SRGAP2C: variants seen among roughly 807,000 people sequenced by gnomAD.
The protein encoded by SRGAP2C is SLIT-ROBO Rho GTPase activating protein 2C.
Under a neutral mutation model 25.1 loss-of-function variants are expected in SRGAP2C, and 15 were observed. That is an observed-to-expected ratio of 0.60 (90% CI 0.40 to 0.92). The LOEUF (loss-of-function observed/expected upper bound fraction) is 0.92. Among genes scored for constraint, SRGAP2C ranks in the 40% least tolerant of loss-of-function variants. SRGAP2C has a pLI of 0.00. For synonymous variants in SRGAP2C, 44 were observed against 96.6 expected (o/e 0.46, Z 3.19); for missense variants, 144 against 264.4 (o/e 0.54, Z 3.16).
intron 3 of SRGAP2C, among the ~76,000 whole-genome samples, chr1:121,295,139 C>G (rs1178326596): frequency 9.6e-6 from 1 of 103,808 alleles, no homozygotes; most frequent in Admixed American, 1.0e-4. Flanking sequence ...AGGGGCACAG[C>G]TAGAAGAAAG....
chr1:121,193,674 T>TTTC (rs1301047246), intron 2 of SRGAP2C, among the ~76,000 whole-genome samples: 1 of 53,966 alleles, frequency 1.9e-5, no homozygotes, highest in Non-Finnish European at 3.3e-5. Context: ...TTTCTTTTTT[T>TTTC]TTTTTTTTTT....
At chr1:121,186,303 A>C (rs1285029859) in intron 1 of SRGAP2C, among the ~76,000 whole-genome samples, 1 of 76,602 alleles carries the variant, frequency 1.3e-5, no homozygotes, top group Non-Finnish European at 2.7e-5. Context: ...CCTATCCTCT[A>C]ACCCGTTTCC....
At chr1:121,340,881 CCT>C (rs1291181978) in intron 4 of SRGAP2C, among the ~76,000 whole-genome samples, 1 of 73,814 alleles carries the variant, frequency 1.4e-5, no homozygotes, top group Non-Finnish European at 2.6e-5. Flanking sequence ...GCAGAGACTT[CCT>C]TTTGACCAGC....
At chr1:121,228,631 G>A (rs1360243403) in intron 2 of SRGAP2C, among the ~76,000 whole-genome samples, 3 of 151,266 alleles carry the variant, frequency 2.0e-5, no homozygotes, top group East Asian at 1.9e-4. Context: ...TCATGATCAC[G>A]AACCTTCTAC....
At chr1:121,310,432 G>A (rs2101595716) in intron 3 of SRGAP2C, among the ~76,000 whole-genome samples, 1 of 139,254 alleles carries the variant, frequency 7.2e-6, no homozygotes, top group Non-Finnish European at 1.5e-5. Context: ...AGTTTTATGA[G>A]ATCCCATTTG....
intron 2 of SRGAP2C, among the ~76,000 whole-genome samples, chr1:121,268,285 C>G (rs1340920753): frequency 6.6e-6 from 1 of 151,270 alleles, no homozygotes; most frequent in Non-Finnish European, 1.5e-5. Context: ...GGGAAGTATG[C>G]TTCCAGCGAA....
At chr1:121,366,285 CTTTG>C (rs1248386176) in intron 5 of SRGAP2C, among the ~76,000 whole-genome samples, 11 of 146,048 alleles carry the variant, frequency 7.5e-5, no homozygotes, top group African/African-American at 2.3e-4. Context: ...TCTTTTCTTC[CTTTG>C]TTTTTTTTTT....
intron 3 of SRGAP2C, among the ~76,000 whole-genome samples, chr1:121,314,324 C>G (rs1259625672): frequency 4.0e-5 from 6 of 150,644 alleles, no homozygotes; most frequent in African/African-American, 1.5e-4. Context: ...GTTATACATT[C>G]TTCTAAACTT....
At chr1:121,384,502 G>GTGTCT (rs1659912612) in intron 8 of SRGAP2C, among the ~76,000 whole-genome samples, 1 of 77,416 alleles carries the variant, frequency 1.3e-5, no homozygotes, top group Non-Finnish European at 2.6e-5. Context: ...GGGGGAAGGG[G>GTGTCT]TGTCACCAAG....
intron 4 of SRGAP2C, among the ~76,000 whole-genome samples, chr1:121,348,533 C>G (rs1300931039): frequency 6.6e-6 from 1 of 151,848 alleles, no homozygotes; most frequent in African/African-American, 2.4e-5. Flanking sequence ...GGAATCACAA[C>G]CTTTTCTGCA....
At chr1:121,284,135 CTGAT>C (rs1657309640) in intron 2 of SRGAP2C, among the ~76,000 whole-genome samples, 1 of 151,980 alleles carries the variant, frequency 6.6e-6, no homozygotes. Flanking sequence ...ACTGTGAAAT[CTGAT>C]TGACAGTGAA....
rs1656130645 is a variant in SRGAP2C at position 121,241,939 on chromosome 1, CT to C, written c.68-42862del. Among the ~76,000 whole-genome samples the C allele has an allele frequency of 7.9e-5, 11 of 138,370 alleles. No homozygotes were observed. In the South Asian group the frequency reaches 2.9e-3, roughly 36 times the overall value. The allele number at this position is 138,370 out of a possible 152,430, so 90.8% of individuals were successfully genotyped here. A position where few individuals can be genotyped will look rare whatever the true frequency, so the allele number is the denominator to read the frequency against. ...GGTCCACCCTGTAGAACCCCTGCTC[CT>C]TATTGTGGGTGTCACTCTTAATAGT... is the stretch of plus-strand genomic sequence containing the variant. On this transcript the variant is annotated intron_variant, in intron 2 of 9. Coordinates refer to ENST00000367123, the MANE Select transcript of SRGAP2C (RefSeq NM_001329984.2).
At chr1:121,263,567 T>G (rs1265364150) in intron 2 of SRGAP2C, among the ~76,000 whole-genome samples, 2 of 151,538 alleles carry the variant, frequency 1.3e-5, no homozygotes, top group Non-Finnish European at 3.0e-5. Context: ...CTACAGAAGT[T>G]CTATCAAAGC....
rs1433308222 is a variant in SRGAP2C at position 121,380,316 on chromosome 1, CA to C, written c.832-2383del. 2.7e-4 allele frequency among the ~76,000 whole-genome samples: 25 copies of C among 93,934 alleles called. 3 individuals are homozygous for C. Among genetic ancestry groups the C allele is most frequent in the African/African-American group, 9.1e-4 (24 of 26,282 alleles). 61.6% of individuals were successfully genotyped at this position (93,934 alleles called of 152,430 possible). On this transcript the variant is annotated intron_variant, in intron 7 of 9. Coordinates refer to ENST00000367123, the MANE Select transcript of SRGAP2C (RefSeq NM_001329984.2). ...TGTAAATATATTGCCTGTTAGCCTA[CA>C]ACAACCTGTGTGGCTGGTGTTATCC...
intron 3 of SRGAP2C, among the ~76,000 whole-genome samples, chr1:121,295,515 G>A (rs1466330685): frequency 1.3e-5 from 2 of 151,868 alleles, no homozygotes; most frequent in East Asian, 3.9e-4. Flanking sequence ...CCAGACACAT[G>A]CCAGATACCC....
chr1:121,241,984 G>T (rs1207429409), intron 2 of SRGAP2C, among the ~76,000 whole-genome samples: 1 of 135,930 alleles, frequency 7.4e-6, no homozygotes, highest in East Asian at 2.3e-4. Context: ...TATCTGTGCA[G>T]TGTTTCTTTA....
Position 121,279,967 on chromosome 1 carries a change from A to G in SRGAP2C, c.68-4836A>G, listed in dbSNP as rs1289924427. Among the ~76,000 whole-genome samples, 42 of 151,400 alleles carry G rather than the reference A, an allele frequency of 2.8e-4. 1 individual carries two copies. The highest frequency in any genetic ancestry group is 9.2e-4 in the African/African-American group (38 of 41,276). On this transcript the variant is annotated intron_variant, in intron 2 of 9. Transcript: ENST00000367123. Reference sequence around the variant, plus strand: ...GGGTTATTTTCCCCTTCACTGGCAGATGGTGCTCAACAGAATATGCTATGT... The same window carrying G: ...GGGTTATTTTCCCCTTCACTGGCAGGTGGTGCTCAACAGAATATGCTATGT...
intron 2 of SRGAP2C, among the ~76,000 whole-genome samples, chr1:121,230,878 C>A (rs1287765247): frequency 7.9e-5 from 12 of 151,488 alleles, no homozygotes; most frequent in African/African-American, 2.4e-4. Flanking sequence ...AGTTCATGTC[C>A]TTTGCAGGGA....
intron 3 of SRGAP2C, among the ~76,000 whole-genome samples, chr1:121,303,397 C>T (rs1298237429): frequency 6.6e-6 from 1 of 151,104 alleles, no homozygotes; most frequent in Admixed American, 6.6e-5. Context: ...GGAGTCCCTT[C>T]AAGCTGGCTT....
Sources: allele counts gnomAD v4.1 joint callset (sites outside exome capture counted in the v4.1 genomes callset), GRCh38; gene constraint gnomAD v4.1.1; transcripts MANE v1.5; gene names NCBI Gene and HGNC (gene_info 2026-07-23, HGNC 2026-07-21).